Variants in ITPR2 observed in about 807,000 individuals in gnomAD.
The protein encoded by ITPR2 is inositol 1,4,5-trisphosphate receptor type 2, also known as inositol 1,4,5-trisphosphate-gated calcium channel ITPR2.
A neutral mutation model predicts 317.1 loss-of-function variants in ITPR2; 207 were observed. The ratio of observed to expected loss-of-function variants is 0.65; its 90% CI spans 0.58 to 0.73. ITPR2 has a LOEUF of 0.73. Among genes scored for constraint, ITPR2 ranks in the 30% least tolerant of loss-of-function variants. The pLI is 0.00. For synonymous variants in ITPR2, 1,156 were observed against 1,149.1 expected, an observed-to-expected ratio of 1.01 and a Z score of -0.12; for missense variants, 2,613 against 3,284.0, an observed-to-expected ratio of 0.80 and a Z score of 4.99.
chr12:26,472,365 T>C (rs1942310561), intron 45 of ITPR2, among the ~76,000 whole-genome samples: 1 of 152,184 alleles, frequency 6.6e-6, no homozygotes, highest in Non-Finnish European at 1.5e-5. Flanking sequence ...CCTTTTCTCT[T>C]TACTTTCTTT....
At position 26,597,074 on chromosome 12, in the gene ITPR2, G is replaced by A. The variant is rs1211002996; in HGVS notation, c.4063C>T (p.Leu1355Phe). 1.2e-6 allele frequency: 2 copies of A among 1,613,698 alleles called. No homozygotes were observed. The highest frequency in any genetic ancestry group is 8.5e-7 in the Non-Finnish European group (1 of 1,179,816). ...CTCTCTGAACACATCATATGGAGAA[G>A]GATTGGAAATGATGCTCTATCATTG... Reference protein sequence around the residue: ...FYNDRASFPILLHMMCSERDR... With the variant: ...FYNDRASFPIFLHMMCSERDR... The change falls in exon 31 of 57, where the codon CTT (leucine) becomes TTT (phenylalanine). Residue 1355 changes from leucine (L) to phenylalanine (F), a missense_variant. This residue lies in a region of ITPR2 where 817 missense variants were observed against 897.6 expected (regional missense o/e 0.91). Coordinates refer to ENST00000381340, the MANE Select transcript of ITPR2 (RefSeq NM_002223.4).
intron 2 of ITPR2, among the ~76,000 whole-genome samples, chr12:26,762,134 G>T (rs544716359): frequency 1.3e-5 from 2 of 152,148 alleles, no homozygotes; most frequent in Non-Finnish European, 2.9e-5. Context: ...GAATTACGGG[G>T]TCCCAGAAGG....
intron 45 of ITPR2, among the ~76,000 whole-genome samples, chr12:26,446,129 G>C (rs1941605162): frequency 6.6e-6 from 1 of 152,094 alleles, no homozygotes; most frequent in Non-Finnish European, 1.5e-5. Context: ...ATGAGGACGA[G>C]AGAGGAGGTG....
At chr12:26,656,043 C>A (rs561874912) in intron 19 of ITPR2, among the ~76,000 whole-genome samples, 191 bp from the exon 20 acceptor site, 1 of 152,274 alleles carries the variant, frequency 6.6e-6, no homozygotes, top group South Asian at 2.1e-4. Context: ...TATCAGTCTA[C>A]CACAATATTA....
intron 45 of ITPR2, among the ~76,000 whole-genome samples, chr12:26,468,487 A>C (rs967084968): frequency 3.3e-5 from 5 of 151,848 alleles, no homozygotes; most frequent in Non-Finnish European, 5.9e-5. Flanking sequence ...ATCAGCATGC[A>C]TGCATTTTTG....
Position 26,436,112 on chromosome 12 carries a change from G to C in ITPR2, c.6769+109C>G. On this transcript the variant is annotated intron_variant, in intron 48 of 56. Coordinates refer to ENST00000381340, the MANE Select transcript of ITPR2 (RefSeq NM_002223.4). ...TACTATCATACTCTACTTCCAACAA[G>C]TATAGAAAAATCCATTTAACAGGAA... The C allele has an allele frequency of 2.8e-6, 3 of 1,070,810 alleles. No individual in the cohort carries two copies. The South Asian group carries it at 5.9e-5, about 21-fold the overall frequency. 66.3% of individuals were successfully genotyped at this position (1,070,810 alleles called of 1,614,324 possible).
chr12:26,674,490 C>A (rs1947862431), intron 13 of ITPR2, among the ~76,000 whole-genome samples: 1 of 152,120 alleles, frequency 6.6e-6, no homozygotes, highest in African/African-American at 2.4e-5. Flanking sequence ...ACTGGCTAGC[C>A]ATATGTAGAA....
intron 37 of ITPR2, among the ~76,000 whole-genome samples, chr12:26,524,355 T>G (rs944981406): frequency 2.0e-5 from 3 of 152,208 alleles, no homozygotes; most frequent in Non-Finnish European, 4.4e-5. Flanking sequence ...CATATACTCA[T>G]CATTTTATTT....
In ITPR2 at chr12:26,831,802, CATAAAATATATAAATATATATTA is replaced by C. The variant is rs1222849429; in HGVS notation, c.92+865_92+887del. ...ATAAAATATATAAATATATATTATACATAAAATATATAAATATATATTATACATAAAATATATAAATATATATT... is the reference window on the plus strand; with the variant it reads ...ATAAAATATATAAATATATATTATACTACATAAAATATATAAATATATATT... On this transcript the variant is annotated intron_variant, in intron 1 of 56. Coordinates refer to ENST00000381340, the MANE Select transcript of ITPR2 (RefSeq NM_002223.4). The surrounding 1 kb of genome is among the most constrained non-coding windows in gnomAD (Gnocchi z 4.9). Among the ~76,000 whole-genome samples, 574 of 137,144 alleles carry C rather than the reference CATAAAATATATAAATATATATTA, an allele frequency of 4.2e-3. 54 individuals carry two copies. Among genetic ancestry groups the C allele is most frequent in the African/African-American group, 0.016 (554 of 35,358 alleles). 90.0% of individuals were successfully genotyped at this position (137,144 alleles called of 152,430 possible).
At chr12:26,820,544 A>G (rs1485947105) in intron 1 of ITPR2, among the ~76,000 whole-genome samples, 2 of 152,192 alleles carry the variant, frequency 1.3e-5, no homozygotes, top group Non-Finnish European at 2.9e-5. Context: ...AAAGTAACAC[A>G]GGGTAAAGCA....
At chr12:26,686,181 T>G (rs1370698224) in intron 11 of ITPR2, among the ~76,000 whole-genome samples, 2 of 152,034 alleles carry the variant, frequency 1.3e-5, no homozygotes, top group Non-Finnish European at 2.9e-5. Context: ...GATAAATATA[T>G]AAATAGAAAT....
At chr12:26,605,126 A>AAAAAAAAATATATATATATAT (rs1555165395) in intron 26 of ITPR2, among the ~76,000 whole-genome samples, 3 of 136,304 alleles carry the variant, frequency 2.2e-5, no homozygotes, top group African/African-American at 5.3e-5. Flanking sequence ...AAAAAATAAA[A>AAAAAAAAATATATATATATAT]ATATATATAT....
chr12:26,430,521 C>T (rs1015497632), intron 48 of ITPR2, among the ~76,000 whole-genome samples: 2 of 152,200 alleles, frequency 1.3e-5, no homozygotes, highest in African/African-American at 2.4e-5. Flanking sequence ...GCCTTGGCCT[C>T]CCAAAGTGCT....
intron 15 of ITPR2, among the ~76,000 whole-genome samples, 163 bp from the exon 16 acceptor site, chr12:26,659,448 G>A (rs979270534): frequency 6.6e-6 from 1 of 152,032 alleles, no homozygotes; most frequent in Non-Finnish European, 1.5e-5. Flanking sequence ...AGCTTTTTGA[G>A]GAAAGACATG....
At chr12:26,704,618 C>T (rs1001381982) in intron 9 of ITPR2, among the ~76,000 whole-genome samples, 4 of 144,634 alleles carry the variant, frequency 2.8e-5, no homozygotes, top group African/African-American at 9.9e-5. Flanking sequence ...AATAATAAAA[C>T]ACTACTCTGC....
chr12:26,689,290 G>A (rs374681182), intron 10 of ITPR2, among the ~76,000 whole-genome samples: 112 of 152,216 alleles, frequency 7.4e-4, no homozygotes, highest in South Asian at 4.8e-3. Context: ...GATGGCACAC[G>A]CCTATGGTCT....
At chr12:26,550,162 CG>C in intron 37 of ITPR2, 84 bp downstream of exon 37, 1 of 592,404 alleles carries the variant, frequency 1.7e-6, no homozygotes, top group East Asian at 3.0e-5. Flanking sequence ...CAAGTAATCA[CG>C]TAATAGCCTA....
At chr12:26,676,528 T>C (rs1039090759) in intron 13 of ITPR2, among the ~76,000 whole-genome samples, 1 of 147,792 alleles carries the variant, frequency 6.8e-6, no homozygotes, top group Non-Finnish European at 1.5e-5. Context: ...TTCATATACA[T>C]AAAACCTAAA....
intron 37 of ITPR2, among the ~76,000 whole-genome samples, chr12:26,545,013 G>C: frequency 6.6e-6 from 1 of 152,070 alleles, no homozygotes; most frequent in East Asian, 1.9e-4. Flanking sequence ...TAGATTCCAA[G>C]CATTTTTGTT....
Sources: allele counts gnomAD v4.1 joint callset (sites outside exome capture counted in the v4.1 genomes callset), GRCh38; gene constraint gnomAD v4.1.1; regional missense constraint gnomAD v4.1.1; non-coding constraint Gnocchi (gnomAD v3.1); transcripts MANE v1.5; gene names NCBI Gene and HGNC (gene_info 2026-07-23, HGNC 2026-07-21).